Variants in IP6K3 observed in about 807,000 individuals in gnomAD.
IP6K3 encodes the protein ATP:1D-myo-inositol-hexakisphosphate phosphotransferase.
Under a neutral mutation model 28.8 loss-of-function variants are expected in IP6K3, and 20 were observed. The ratio of observed to expected loss-of-function variants is 0.70; its 90% confidence interval spans 0.49 to 1.01. The LOEUF (loss-of-function observed/expected upper bound fraction) is 1.01, where lower values mean the gene tolerates loss of function less well. IP6K3 is among the 50% of genes least tolerant of loss of function. The pLI is 0.00. For missense variants in IP6K3, 480 were observed against 537.1 expected (o/e 0.89, Z 1.05); for synonymous variants, 213 against 221.3 (o/e 0.96, Z 0.33).
chr6:33,750,373 C>T (rs1190168047), upstream of IP6K3, among the ~76,000 whole-genome samples: 1 of 152,198 alleles, frequency 6.6e-6, no homozygotes, highest in East Asian at 1.9e-4. This position sits in a 1 kb window ranked among gnomAD's most constrained non-coding sequence, Gnocchi z 4.3. Flanking sequence ...AGCGTTCAGC[C>T]CCTGCCCACC....
upstream of IP6K3, among the ~76,000 whole-genome samples, chr6:33,748,250 A>G (rs550074747): frequency 6.6e-6 from 1 of 152,018 alleles, no homozygotes; most frequent in Admixed American, 6.5e-5. Context: ...GTCCCTCCAG[A>G]CCTGTTGGTG....
chr6:33,748,692 G>A (rs1449661657), upstream of IP6K3, among the ~76,000 whole-genome samples: 1 of 144,196 alleles, frequency 6.9e-6, no homozygotes, highest in South Asian at 2.3e-4. Context: ...GGAGGCTGCA[G>A]CCTGTGTGGG....
chr6:33,733,680 C>T (rs1449752012), intron 2 of IP6K3, among the ~76,000 whole-genome samples: 1 of 152,248 alleles, frequency 6.6e-6, no homozygotes, highest in East Asian at 1.9e-4. Context: ...CAGGCAACAC[C>T]AGCCTGCGGG....
At chr6:33,757,028 A>G in the IP6K3 span, among the ~76,000 whole-genome samples, 9 of 152,324 alleles carry the variant, frequency 5.9e-5, no homozygotes, top group South Asian at 1.9e-3. Flanking sequence ...GCCTGCTGCA[A>G]GGCCCCTCCG....
At position 33,746,062 on chromosome 6, in the gene IP6K3, C is replaced by A. The variant is rs1766896942; in HGVS notation, c.-180+696G>T. Among the ~76,000 whole-genome samples, 1 of 152,140 alleles carries A rather than the reference C, an allele frequency of 6.6e-6. No individual in the cohort carries two copies. The highest frequency in any genetic ancestry group is 2.4e-5 in the African/African-American group (1 of 41,406). On this transcript the variant is annotated intron_variant, in intron 1 of 5. Transcript: ENST00000293756. This position sits in a 1 kb window ranked among gnomAD's most constrained non-coding sequence, Gnocchi z 6.5. ...CATGGGGGGTTTAAGGCCCCCAAGG[C>A]AAGCTCAGTTCTCAGGTTCACTAGG...
At chr6:33,739,990 C>T (rs1766661701) in intron 1 of IP6K3, among the ~76,000 whole-genome samples, 1 of 152,248 alleles carries the variant, frequency 6.6e-6, no homozygotes, top group Non-Finnish European at 1.5e-5. Flanking sequence ...GGGTCTGTCA[C>T]TGCCTGCATT....
rs1766494304 is a variant in IP6K3 at position 33,735,538 on chromosome 6, A to G, written c.-62T>C. ...TCTGCTAGAGGAAGGTTTGAAGTAG[A>G]AAGGGCAGCTCCCAACAGCACACGG... On this transcript the variant is annotated 5_prime_UTR_variant, in exon 2 of 6. Coordinates refer to ENST00000293756, the MANE Select transcript of IP6K3 (RefSeq NM_054111.5). 2 of 1,574,436 alleles carry G rather than the reference A, an allele frequency of 1.3e-6. No individual in the cohort carries two copies. Among genetic ancestry groups the G allele is most frequent in the South Asian group, 2.3e-5 (2 of 88,290 alleles).
chr6:33,761,913 G>A, the IP6K3 span, among the ~76,000 whole-genome samples: 2 of 152,140 alleles, frequency 1.3e-5, no homozygotes, highest in Non-Finnish European at 2.9e-5. Flanking sequence ...TGCTGGGGAT[G>A]GGGCTCGACG....
the IP6K3 span, among the ~76,000 whole-genome samples, chr6:33,760,439 G>A: frequency 6.6e-6 from 1 of 152,240 alleles, no homozygotes; most frequent in Non-Finnish European, 1.5e-5. Flanking sequence ...GCATGTGCCT[G>A]TGTGAATGGT....
At chr6:33,756,878 CT>C in the IP6K3 span, among the ~76,000 whole-genome samples, 76 of 152,350 alleles carry the variant, frequency 5.0e-4, no homozygotes, top group Admixed American at 7.2e-4. Flanking sequence ...GCAACACCGT[CT>C]TGGTCTGCAG....
chr6:33,748,761 T>C (rs556850653), upstream of IP6K3, among the ~76,000 whole-genome samples: 4 of 150,740 alleles, frequency 2.7e-5, no homozygotes, highest in African/African-American at 9.8e-5. Flanking sequence ...CTCCACTGTG[T>C]GGATGGACGT....
At position 33,726,738 on chromosome 6, in the gene IP6K3, C is replaced by A; in HGVS notation, c.582G>T (p.Lys194Asn). 6.3e-7 allele frequency: 1 copy of A among 1,589,972 alleles called. No individual in the cohort carries two copies. The highest frequency in any genetic ancestry group is 8.6e-7 in the Non-Finnish European group (1 of 1,162,194). Residue 194 changes from lysine (K) to asparagine (N), a missense_variant, in exon 4 of 6, where the codon AAG becomes AAT. By Grantham distance (94) the Lys-to-Asn change is moderately conservative. Transcript: ENST00000293756. ...TRLCSEYPENKRHRFLLLENV... is the reference protein window; with the variant it reads ...TRLCSEYPENNRHRFLLLENV... ...GGGGGATGGCAAGGATACGATGCCG[C>A]TTGTTCTCTGGGTACTCGGAGCACA...
rs140303933 is a variant in IP6K3, at chr6:33,738,063, CAAG to C, written c.-179-2411_-179-2409del. 6.0e-3 allele frequency among the ~76,000 whole-genome samples: 911 copies of C among 152,364 alleles called. 5 individuals are homozygous for C. Among genetic ancestry groups the C allele is most frequent in the African/African-American group, 0.021 (878 of 41,598 alleles). On this transcript the variant is annotated intron_variant, in intron 1 of 5. Transcript: ENST00000293756. ...ATCCTACTTGCAAATTTGGAGAAGG[CAAG>C]AAGGAGTAGAGCAGAGAAGCCAAGG... is the stretch of plus-strand genomic sequence containing the variant.
chr6:33,751,757 A>T (rs1767025846), upstream of IP6K3, among the ~76,000 whole-genome samples: 1 of 152,140 alleles, frequency 6.6e-6, no homozygotes, highest in Admixed American at 6.5e-5. The surrounding 1 kb of genome is among the most constrained non-coding windows in gnomAD (Gnocchi z 4.3). Context: ...CCTAACACGG[A>T]TTCATTTTCC....
rs1177675287 is a variant in IP6K3 at position 33,746,819 on chromosome 6, C to T, written c.-241G>A. 1 of 152,406 alleles carries T rather than the reference C, an allele frequency of 6.6e-6. No homozygotes were observed. The highest frequency in any genetic ancestry group is 1.5e-5 in the Non-Finnish European group (1 of 68,184). The allele number at this position is 152,406 out of a possible 1,614,324, so 9.4% of individuals were successfully genotyped here. A position where few individuals can be genotyped will look rare whatever the true frequency, so the allele number is the denominator to read the frequency against. On this transcript the variant is annotated 5_prime_UTR_variant, in exon 1 of 6. The change abolishes the stop of an existing upstream ORF in the 5' untranslated region. Transcript: ENST00000293756. This position sits in a 1 kb window ranked among gnomAD's most constrained non-coding sequence, Gnocchi z 6.5. ...GGCAGGGCCCAGGAATCTTGTCTCTCAGTGCCCACCATGTACAGGCATCAG... is the reference window on the plus strand; with the variant it reads ...GGCAGGGCCCAGGAATCTTGTCTCTTAGTGCCCACCATGTACAGGCATCAG...
At chr6:33,761,229 G>A in the IP6K3 span, among the ~76,000 whole-genome samples, 5 of 151,962 alleles carry the variant, frequency 3.3e-5, no homozygotes. Context: ...GGTGGGAGTC[G>A]AGGTGGGGGA....
upstream of IP6K3, among the ~76,000 whole-genome samples, chr6:33,751,767 C>T (rs915520471): frequency 6.8e-4 from 104 of 152,280 alleles, no homozygotes; most frequent in African/African-American, 2.1e-3. This position sits in a 1 kb window ranked among gnomAD's most constrained non-coding sequence, Gnocchi z 4.3. Context: ...ATTCATTTTC[C>T]GGCAGCCCTC....
the IP6K3 span, among the ~76,000 whole-genome samples, chr6:33,757,032 C>T: frequency 1.3e-5 from 2 of 152,222 alleles, 1 homozygote; most frequent in South Asian, 4.1e-4. Context: ...GCTGCAAGGC[C>T]CCTCCGGCCA....
rs770106812 is a variant in IP6K3, at chr6:33,726,904, G to A, written c.416C>T (p.Pro139Leu). 1.9e-4 allele frequency: 309 copies of A among 1,597,032 alleles called. No homozygotes were observed. Among genetic ancestry groups the A allele is most frequent in the Non-Finnish European group, 2.6e-4 (306 of 1,167,280 alleles). ...AQLARSPKES[P>L]AKALLRSEPH... ...CTCGGACCTCAGAAGAGCCTTGGCC[G>A]GGCTGCGGCGGAGTGGAGCACAGGA... Residue 139 changes from proline to leucine, a missense_variant and splice_region_variant, in exon 4 of 6, where the codon CCG becomes CTG. Coordinates refer to ENST00000293756, the MANE Select transcript of IP6K3 (RefSeq NM_054111.5).
Sources: gnomAD v4.1 joint callset for allele counts (sites outside exome capture counted in the v4.1 genomes callset) on GRCh38, gnomAD v4.1.1 for gene constraint, Gnocchi (gnomAD v3.1) non-coding constraint, MANE v1.5 for transcripts, NCBI Gene and HGNC (gene_info 2026-07-23, HGNC 2026-07-21) for gene names.